SLC4A4: variants seen among roughly 807,000 people sequenced by gnomAD.
SLC4A4 encodes the protein electrogenic sodium bicarbonate cotransporter 1.
SLC4A4 carries 27 observed loss-of-function variants against 111.5 expected under a neutral mutation model. The observed-to-expected ratio is 0.24, with a 90% CI of 0.18 to 0.33. The LOEUF (loss-of-function observed/expected upper bound fraction) is 0.33. SLC4A4 is among the 10% of genes least tolerant of loss of function. The probability of loss-of-function intolerance (pLI) is 1.00; values close to 1 mark genes in which losing one functional copy is unlikely to be tolerated. For synonymous variants in SLC4A4, 443 were observed against 463.4 expected, an observed-to-expected ratio of 0.96 and a Z score of 0.57; for missense variants, 909 against 1,315.5, an observed-to-expected ratio of 0.69 and a Z score of 4.78.
intron 15 of SLC4A4, among the ~76,000 whole-genome samples, chr4:71,495,741 G>A (rs990723000): frequency 5.3e-5 from 8 of 152,018 alleles, no homozygotes; most frequent in African/African-American, 1.7e-4. Context: ...TGTCTTCAAA[G>A]GACAGGAGAA....
intron 4 of SLC4A4, 28 bp downstream of exon 4, chr4:71,339,533 C>T (rs757258111): frequency 1.9e-6 from 3 of 1,608,532 alleles, no homozygotes; most frequent in Non-Finnish European, 2.5e-6. Context: ...GTATGTAGTA[C>T]TGACCCAGGG....
chr4:71,226,132 G>T (rs533939018), intron 1 of SLC4A4, among the ~76,000 whole-genome samples: 3 of 152,082 alleles, frequency 2.0e-5, no homozygotes, highest in Non-Finnish European at 2.9e-5. Flanking sequence ...CTGCTTCTGG[G>T]TATTTATTAT....
chr4:71,146,030 T>C (rs575401853), intron 2 of SLC4A4, among the ~76,000 whole-genome samples: 205 of 152,320 alleles, frequency 1.3e-3, no homozygotes, highest in Non-Finnish European at 2.4e-3. Flanking sequence ...GTTCTTTTAA[T>C]TGTGATGTTA....
At chr4:71,129,083 G>T (rs1743631515) in intron 2 of SLC4A4, among the ~76,000 whole-genome samples, 1 of 152,126 alleles carries the variant, frequency 6.6e-6, no homozygotes, top group African/African-American at 2.4e-5. Flanking sequence ...GATGCCAAAA[G>T]CAAGTGCAAC....
chr4:71,166,746 T>C (rs999837358), intron 2 of SLC4A4, among the ~76,000 whole-genome samples: 4 of 152,200 alleles, frequency 2.6e-5, no homozygotes, highest in African/African-American at 9.7e-5. Context: ...GCCCAATTTA[T>C]GTCTGAGCTT....
chr4:71,409,486 G>A (rs942716582), intron 7 of SLC4A4, among the ~76,000 whole-genome samples: 2 of 152,208 alleles, frequency 1.3e-5, no homozygotes, highest in Non-Finnish European at 2.9e-5. Flanking sequence ...CTAGAGATAC[G>A]TGAAACTTTG....
chr4:71,342,788 A>T (rs1375202669), intron 4 of SLC4A4, among the ~76,000 whole-genome samples: 3 of 152,144 alleles, frequency 2.0e-5, no homozygotes, highest in Non-Finnish European at 2.9e-5. Flanking sequence ...GGAGCATAGG[A>T]TTTTCACTCA....
intron 25 of SLC4A4, 60 bp downstream of exon 25, chr4:71,567,143 G>C (rs564646369): frequency 1.5e-6 from 2 of 1,290,856 alleles, no homozygotes; most frequent in East Asian, 2.3e-5. Flanking sequence ...CAGAAATGTA[G>C]TTAATGGTGG....
chr4:71,339,278 CAGT>C (rs770839231), intron 3 of SLC4A4, 89 bp from the exon 4 acceptor site: 1 of 1,614,030 alleles, frequency 6.2e-7, no homozygotes, highest in Non-Finnish European at 8.5e-7. Flanking sequence ...AAGGGAAGCC[CAGT>C]AACCTTGGGG....
intron 2 of SLC4A4, among the ~76,000 whole-genome samples, chr4:71,128,500 T>A (rs981334043): frequency 1.3e-5 from 2 of 152,020 alleles, no homozygotes; most frequent in East Asian, 3.9e-4. Flanking sequence ...GACAGTCAAT[T>A]TTTTCCTAAG....
intron 2 of SLC4A4, among the ~76,000 whole-genome samples, chr4:71,253,850 C>G (rs566760374): frequency 2.0e-5 from 3 of 152,082 alleles, no homozygotes; most frequent in African/African-American, 4.8e-5. Context: ...TGTAAAGATG[C>G]CTCCAACTTC....
chr4:71,491,620 C>A (rs1014020031), intron 15 of SLC4A4, among the ~76,000 whole-genome samples: 1 of 151,864 alleles, frequency 6.6e-6, no homozygotes, highest in Non-Finnish European at 1.5e-5. Context: ...TCCTGACTTG[C>A]ACCCTGAGCT....
chr4:71,217,891 T>C (rs1202611550), intron 1 of SLC4A4, among the ~76,000 whole-genome samples: 1 of 152,238 alleles, frequency 6.6e-6, no homozygotes. Context: ...TGACATGCAC[T>C]GCTTTTGGCT....
At chr4:71,152,694 C>T (rs540731505) in intron 2 of SLC4A4, among the ~76,000 whole-genome samples, 8 of 152,188 alleles carry the variant, frequency 5.3e-5, no homozygotes, top group South Asian at 2.1e-4. Flanking sequence ...CATCTCTTGA[C>T]GCACATGTGC....
chr4:71,243,269 A>C (rs1398348340), intron 2 of SLC4A4, among the ~76,000 whole-genome samples: 1 of 152,204 alleles, frequency 6.6e-6, no homozygotes, highest in Non-Finnish European at 1.5e-5. Context: ...TGCCACATAG[A>C]CTAGAATACT....
At chr4:71,087,951 G>A (rs1247454392) in intron 1 of SLC4A4, among the ~76,000 whole-genome samples, 1 of 151,880 alleles carries the variant, frequency 6.6e-6, no homozygotes, top group African/African-American at 2.4e-5. Flanking sequence ...TTCAATTCCT[G>A]GATATCCTTG....
At chr4:71,510,059 T>C (rs943379222) in intron 16 of SLC4A4, among the ~76,000 whole-genome samples, 5 of 152,122 alleles carry the variant, frequency 3.3e-5, no homozygotes, top group African/African-American at 1.2e-4. Context: ...GCAATGCAGC[T>C]GTGTAAACTC....
At position 71,224,634 on chromosome 4, in the gene SLC4A4, A is replaced by T. The variant is rs141134063; in HGVS notation, c.-1-11942A>T. Among the ~76,000 whole-genome samples the T allele has an allele frequency of 2.5e-4, 38 of 152,362 alleles. No individual in the cohort carries two copies. In the East Asian group the frequency reaches 6.4e-3, roughly 25 times the overall value. ...GTAAGCACTACCTAAGTGTTTGCTA[A>T]ATAAAAATAAAGACATTGATTTGGG... On this transcript the variant is annotated intron_variant, in intron 1 of 25. Transcript: ENST00000264485.
At chr4:71,070,876 A>G (rs1741642648) in intron 1 of SLC4A4, among the ~76,000 whole-genome samples, 1 of 152,210 alleles carries the variant, frequency 6.6e-6, no homozygotes, top group African/African-American at 2.4e-5. Context: ...AAAAATCTGC[A>G]TTAAAAAATA....
Sources: allele counts gnomAD v4.1 joint callset (sites outside exome capture counted in the v4.1 genomes callset), GRCh38; gene constraint gnomAD v4.1.1; transcripts MANE v1.5; gene names NCBI Gene and HGNC (gene_info 2026-07-23, HGNC 2026-07-21).